TUNAR: variants seen among roughly 807,000 people sequenced by gnomAD.
The protein encoded by TUNAR is transmembrane neural differentiation associated intracellular calcium regulator.
chr14:95,890,681 T>G (rs1342359954), intron 2 of TUNAR, among the ~76,000 whole-genome samples: 1 of 152,186 alleles, frequency 6.6e-6, no homozygotes, highest in African/African-American at 2.4e-5. Context: ...AAGAGGATAT[T>G]TGTTTAGTTG....
At chr14:95,902,701 ACACTCTGGC>A (rs1889374904) in intron 2 of TUNAR, among the ~76,000 whole-genome samples, 1 of 152,150 alleles carries the variant, frequency 6.6e-6, no homozygotes, top group South Asian at 2.1e-4. Context: ...TGGTAAAAGG[ACACTCTGGC>A]CACATTGCTT....
At position 95,895,430 on chromosome 14, in the gene TUNAR, CGT is replaced by C. The variant is rs889159794; in HGVS notation, c.12+18260_12+18261del. Among the ~76,000 whole-genome samples, 1 of 151,812 alleles carries C rather than the reference CGT, an allele frequency of 6.6e-6. No individual in the cohort carries two copies. Among genetic ancestry groups the C allele is most frequent in the African/African-American group, 2.4e-5 (1 of 41,290 alleles). On this transcript the variant is annotated intron_variant, in intron 2 of 2. Coordinates refer to ENST00000678517, the Ensembl canonical transcript of TUNAR. The surrounding 1 kb of genome is among the most constrained non-coding windows in gnomAD (Gnocchi z 4.5). ...GCATGTTGTTAGAGTGTGTGTGGTG[CGT>C]GTGTGTATGTGTGGGTGTGCATGCA...
At chr14:95,916,117 A>G (rs959095417) in intron 2 of TUNAR, among the ~76,000 whole-genome samples, 1 of 152,236 alleles carries the variant, frequency 6.6e-6, no homozygotes, top group Non-Finnish European at 1.5e-5. Context: ...TAAGTATGGA[A>G]TAGATATGAG....
chr14:95,911,322 C>G (rs1437270706), intron 2 of TUNAR, among the ~76,000 whole-genome samples: 2 of 152,230 alleles, frequency 1.3e-5, no homozygotes, highest in Non-Finnish European at 2.9e-5. Flanking sequence ...TGTCTCAGCT[C>G]AGACCTCCTA....
chr14:95,915,445 T>G (rs572514060), intron 2 of TUNAR, among the ~76,000 whole-genome samples: 62 of 152,278 alleles, frequency 4.1e-4, no homozygotes, highest in Non-Finnish European at 8.1e-4. Flanking sequence ...TCACCCTACC[T>G]AAGACTAAGC....
intron 2 of TUNAR, among the ~76,000 whole-genome samples, chr14:95,918,544 T>C (rs1306500651): frequency 6.6e-6 from 1 of 152,174 alleles, no homozygotes; most frequent in African/African-American, 2.4e-5. Flanking sequence ...GGAATTGAAG[T>C]TTCCAAGTTG....
At chr14:95,913,792 G>T (rs962964071) in intron 2 of TUNAR, among the ~76,000 whole-genome samples, 29 of 152,166 alleles carry the variant, frequency 1.9e-4, no homozygotes, top group African/African-American at 6.0e-4. Flanking sequence ...GAGTGCAGTG[G>T]CACGATCTCA....
At position 95,922,314 on chromosome 14, in the gene TUNAR, G is replaced by A. The variant is rs140246861; in HGVS notation, c.13-467G>A. ...GCTTCCAGCCACCCCTACCCATACCGCAGTCAGAGCTTTAGCATGGTAGGA... is the reference window on the plus strand; with the variant it reads ...GCTTCCAGCCACCCCTACCCATACCACAGTCAGAGCTTTAGCATGGTAGGA... On this transcript the variant is annotated intron_variant, in intron 2 of 2. Coordinates refer to ENST00000678517, the Ensembl canonical transcript of TUNAR. 4.9e-4 allele frequency among the ~76,000 whole-genome samples: 75 copies of A among 152,224 alleles called. 1 individual carries two copies. The East Asian group carries it at 0.011, about 23-fold the overall frequency.
At chr14:95,882,722 G>A (rs1361145491) in intron 2 of TUNAR, among the ~76,000 whole-genome samples, 2 of 152,150 alleles carry the variant, frequency 1.3e-5, no homozygotes, top group Non-Finnish European at 2.9e-5. Flanking sequence ...GCATCACCAA[G>A]CAAAAGAGCA....
intron 2 of TUNAR, among the ~76,000 whole-genome samples, chr14:95,892,146 G>A (rs1209597574): frequency 5.9e-5 from 9 of 152,354 alleles, no homozygotes; most frequent in African/African-American, 2.2e-4. Flanking sequence ...GGTCCCCTAT[G>A]ACACTGAGAC....
At chr14:95,903,703 C>G (rs875428) in intron 2 of TUNAR, among the ~76,000 whole-genome samples, 5,030 of 152,266 alleles carry the variant, frequency 0.033, 273 homozygotes, top group African/African-American at 0.11. Context: ...GTTATTATCT[C>G]ATGGGGTTCT....
Position 95,897,001 on chromosome 14 carries a change from T to C in TUNAR, c.12+19824T>C, listed in dbSNP as rs1889280067. Among the ~76,000 whole-genome samples, 3 of 152,270 alleles carry C rather than the reference T, an allele frequency of 2.0e-5. No individual in the cohort carries two copies. The South Asian group carries it at 6.2e-4, about 31-fold the overall frequency. ...GTTGGAATTTGTTCCTTCAAATAGC[T>C]CTGGCATATGTTTTTATTTCACAGT... On this transcript the variant is annotated intron_variant, in intron 2 of 2. Transcript: ENST00000678517.
intron 2 of TUNAR, among the ~76,000 whole-genome samples, chr14:95,905,024 C>G (rs1008722): frequency 0.2 from 30,252 of 152,182 alleles, 4,438 homozygotes; most frequent in African/African-American, 0.41. Flanking sequence ...CCTCTAGAGG[C>G]ATTGATACTA....
In TUNAR at chr14:95,879,730, C is replaced by T. The variant is rs996557606; in HGVS notation, c.12+2553C>T. 2.0e-5 allele frequency among the ~76,000 whole-genome samples: 3 copies of T among 149,830 alleles called. No homozygotes were observed. The East Asian group carries it at 5.9e-4, about 30-fold the overall frequency. Reference sequence around the variant, plus strand: ...CAGTTTTTTTTTTTCTGTAAGATCTCTAAGCTGAACTCTTCCACACCATAC... The same window carrying T: ...CAGTTTTTTTTTTTCTGTAAGATCTTTAAGCTGAACTCTTCCACACCATAC... On this transcript the variant is annotated intron_variant, in intron 2 of 2. Transcript: ENST00000678517.
At chr14:95,898,050 G>A (rs1889292698) in intron 2 of TUNAR, among the ~76,000 whole-genome samples, 1 of 151,982 alleles carries the variant, frequency 6.6e-6, no homozygotes, top group African/African-American at 2.4e-5. Context: ...AGGTCATCTT[G>A]GGCTCACCGT....
At chr14:95,900,799 G>T (rs1372071392) in intron 2 of TUNAR, among the ~76,000 whole-genome samples, 1 of 152,202 alleles carries the variant, frequency 6.6e-6, no homozygotes, top group Non-Finnish European at 1.5e-5. Context: ...AACAGTTCAT[G>T]ACAAAAGGGG....
rs117700139 is a variant in TUNAR, at chr14:95,917,241, G to A, written c.13-5540G>A. On this transcript the variant is annotated intron_variant, in intron 2 of 2. Transcript: ENST00000678517. ...ATTCATCTGGAACTGATGAACTACTGATTTGATTTCATTTATTTTTTCATA... is the reference window on the plus strand; with the variant it reads ...ATTCATCTGGAACTGATGAACTACTAATTTGATTTCATTTATTTTTTCATA... Among the ~76,000 whole-genome samples the A allele has an allele frequency of 1.3e-4, 20 of 152,208 alleles. No individual in the cohort carries two copies. In the East Asian group the frequency reaches 3.5e-3, roughly 26 times the overall value.
intron 2 of TUNAR, among the ~76,000 whole-genome samples, chr14:95,914,068 G>T (rs972045929): frequency 6.6e-6 from 1 of 152,226 alleles, no homozygotes; most frequent in African/African-American, 2.4e-5. Flanking sequence ...ATAAATATGG[G>T]CCAGAGGAGA....
rs183580159 is a variant in TUNAR, at chr14:95,893,912, C to A, written c.12+16735C>A. On this transcript the variant is annotated intron_variant, in intron 2 of 2. Transcript: ENST00000678517. ...CCCGGTCTTTCTGGGCCTGTTCAGT[C>A]ATTTGCAAATAGCCTTGCAGAAATG... 3.9e-5 allele frequency among the ~76,000 whole-genome samples: 6 copies of A among 152,384 alleles called. No homozygotes were observed. The East Asian group carries it at 9.6e-4, about 24-fold the overall frequency.
Sources: gnomAD v4.1 joint callset for allele counts (sites outside exome capture counted in the v4.1 genomes callset) on GRCh38, gnomAD v4.1.1 for gene constraint, Gnocchi (gnomAD v3.1) non-coding constraint, MANE v1.5 for transcripts, NCBI Gene and HGNC (gene_info 2026-07-23, HGNC 2026-07-21) for gene names.